Variants in DDX24 observed in about 807,000 individuals in gnomAD.
DDX24 encodes the protein ATP-dependent RNA helicase DDX24.
Under a neutral mutation model 68.9 loss-of-function variants are expected in DDX24, and 24 were observed. The ratio of observed to expected loss-of-function variants is 0.35; its 90% CI spans 0.25 to 0.49. The LOEUF (loss-of-function observed/expected upper bound fraction) is 0.49, where lower values mean the gene tolerates loss of function less well. DDX24 is among the 20% of genes least tolerant of loss of function. The pLI is 0.99. For missense variants in DDX24, 989 were observed against 1,039.0 expected, an observed-to-expected ratio of 0.95 and a Z score of 0.66; for synonymous variants, 395 against 385.2, an observed-to-expected ratio of 1.03 and a Z score of -0.30.
chr14:94,056,083 G>A (rs1050427196), intron 6 of DDX24: 1 of 152,186 alleles, frequency 6.6e-6, no homozygotes, highest in East Asian at 1.9e-4. Context: ...CTTAGGGGCT[G>A]GGACTGTATT....
At chr14:94,052,912 C>T (rs1051033326) in intron 8 of DDX24, 86 bp downstream of exon 8, 11 of 1,510,750 alleles carry the variant, frequency 7.3e-6, no homozygotes, top group Admixed American at 4.4e-5. Flanking sequence ...TTTGACAAGA[C>T]CCACAGTAGT....
intron 2 of DDX24, among the ~76,000 whole-genome samples, chr14:94,072,647 T>C (rs1342140498): frequency 6.6e-6 from 1 of 152,184 alleles, no homozygotes; most frequent in Admixed American, 6.5e-5. Context: ...CTGGCCAACG[T>C]GGTGAAACCC....
In DDX24 at chr14:94,064,999, G is replaced by A. The variant is rs1885670934; in HGVS notation, c.719-2378C>T. On this transcript the variant is annotated intron_variant, in intron 2 of 8. Coordinates refer to ENST00000621632, the MANE Select transcript of DDX24 (RefSeq NM_020414.4). Reference sequence around the variant, plus strand: ...TCCACAGAGTTGCAGAGCTGGTTGTGAGTGTGGGAAAAACCCACACATTTG... The same window carrying A: ...TCCACAGAGTTGCAGAGCTGGTTGTAAGTGTGGGAAAAACCCACACATTTG... 1.3e-5 allele frequency among the ~76,000 whole-genome samples: 2 copies of A among 152,066 alleles called. 1 individual carries two copies. The highest frequency in any genetic ancestry group is 1.3e-4 in the Admixed American group (2 of 15,264).
Position 94,062,518 on chromosome 14 carries a change from A to T in DDX24, c.822T>A (p.Pro274=). The change falls in exon 3 of 9, where the codon CCT becomes CCA. Residue 274 remains proline, a synonymous_variant. Transcript: ENST00000621632. ...APPPSNTEAP[P]GETRTEAGAE... ...CTCCGGCCTCAGTTCTGGTCTCTCC[A>T]GGTGGTGCTTCGGTGTTACTTGGAG... is the stretch of plus-strand genomic sequence containing the variant. 1 of 1,614,152 alleles carries T rather than the reference A, an allele frequency of 6.2e-7. No homozygotes were observed. Among genetic ancestry groups the T allele is most frequent in the Non-Finnish European group, 8.5e-7 (1 of 1,180,034 alleles).
chr14:94,052,995 T>C lies in DDX24; in HGVS notation c.2308+3A>G. ...TCAATTCCCATCCCGCCCAAGGGCT[T>C]ACCCTTATACATGTCTTCTTCCAGC... On this transcript the variant is annotated splice_donor_region_variant and intron_variant, in intron 8 of 8. Transcript: ENST00000621632. 6.2e-7 allele frequency: 1 copy of C among 1,610,146 alleles called. No homozygotes were observed. The highest frequency in any genetic ancestry group is 8.5e-7 in the Non-Finnish European group (1 of 1,177,694).
intron 8 of DDX24, among the ~76,000 whole-genome samples, chr14:94,052,025 G>T (rs976981182): frequency 6.6e-6 from 1 of 152,252 alleles, no homozygotes; most frequent in Non-Finnish European, 1.5e-5. Context: ...AGGGAAGCCA[G>T]GGCCTCCACA....
In DDX24 at chr14:94,079,311, T is replaced by C. The variant is rs1438172936; in HGVS notation, c.432A>G (p.Ser144=). The C allele has an allele frequency of 6.2e-7, 1 of 1,614,194 alleles. No individual in the cohort carries two copies. The highest frequency in any genetic ancestry group is 1.1e-5 in the South Asian group (1 of 91,084). Residue 144 remains serine (S), a synonymous_variant, in exon 2 of 9, where the codon TCA becomes TCG. Coordinates refer to ENST00000621632, the MANE Select transcript of DDX24 (RefSeq NM_020414.4). ...TTGGAGCAGTTTGGACCAGGTTTTC[T>C]GATGTCATCTCCCCAGCCTCCGGAT... The part of the protein sequence containing the change: ...CDDPEAGEMT[S]ENLVQTAPKK...
At chr14:94,067,734 T>C (rs1261849019) in intron 2 of DDX24, among the ~76,000 whole-genome samples, 2 of 152,150 alleles carry the variant, frequency 1.3e-5, no homozygotes, top group Non-Finnish European at 2.9e-5. Context: ...CCAGCAAAAC[T>C]AAGCATCATA....
chr14:94,062,493 C>T lies in DDX24; in HGVS notation c.847G>A (p.Ala283Thr). 1 of 1,614,162 alleles carries T rather than the reference C, an allele frequency of 6.2e-7. No individual in the cohort carries two copies. Among genetic ancestry groups the T allele is most frequent in the Non-Finnish European group, 8.5e-7 (1 of 1,180,016 alleles). The change falls in exon 3 of 9, where the codon GCT (alanine) becomes ACT (threonine). Residue 283 changes from alanine to threonine, a missense_variant. Ala to Thr is a moderately conservative substitution (Grantham distance 58). Coordinates refer to ENST00000621632, the MANE Select transcript of DDX24 (RefSeq NM_020414.4). ...PPGETRTEAGAETRSPGKAEA... is the reference protein window; with the variant it reads ...PPGETRTEAGTETRSPGKAEA... ...GCCTTGCCTGGTGATCTAGTCTCAGCTCCGGCCTCAGTTCTGGTCTCTCCA... is the reference window on the plus strand; with the variant it reads ...GCCTTGCCTGGTGATCTAGTCTCAGTTCCGGCCTCAGTTCTGGTCTCTCCA...
chr14:94,064,935 T>C (rs1227268883), intron 2 of DDX24, among the ~76,000 whole-genome samples: 1 of 152,198 alleles, frequency 6.6e-6, no homozygotes, highest in Admixed American at 6.5e-5. Context: ...AGGTAGATAG[T>C]GTCTGAATTG....
intron 6 of DDX24, 31 bp downstream of exon 6, chr14:94,057,791 C>T (rs1413284229): frequency 1.2e-6 from 2 of 1,607,578 alleles, no homozygotes; most frequent in South Asian, 1.1e-5. Context: ...TCAGTGCAGG[C>T]AGATGCCTAT....
At chr14:94,055,472 A>G in intron 6 of DDX24, 3 of 426,632 alleles carry the variant, frequency 7.0e-6, no homozygotes, top group Non-Finnish European at 1.3e-5. Context: ...CCAGGATTTA[A>G]GCAGCCCAGC....
Position 94,049,100 on chromosome 14 carries a change from G to A in DDX24, c.*2091C>T, listed in dbSNP as rs147368021. ...GCCCACCAACTTCACCTTACCAGGC[G>A]AGAGTAGCACTGCTTGGAAGGCTGC... is the stretch of plus-strand genomic sequence containing the variant. On this transcript the variant is annotated 3_prime_UTR_variant, in exon 9 of 9. Transcript: ENST00000621632. The A allele has an allele frequency of 5.3e-5, 8 of 152,360 alleles. No homozygotes were observed. Among genetic ancestry groups the A allele is most frequent in the Admixed American group, 3.9e-4 (6 of 15,308 alleles). The allele number at this position is 152,360 out of a possible 1,614,324, so 9.4% of individuals were successfully genotyped here.
chr14:94,072,989 T>C (rs1885863556), intron 2 of DDX24, among the ~76,000 whole-genome samples: 2 of 136,596 alleles, frequency 1.5e-5, no homozygotes, highest in African/African-American at 5.3e-5. Flanking sequence ...AATAAATAAA[T>C]CAGGTATGCT....
intron 4 of DDX24, 51 bp downstream of exon 4, chr14:94,060,862 G>A: frequency 6.2e-7 from 1 of 1,603,696 alleles, no homozygotes. Flanking sequence ...GTCACCTAAG[G>A]CTCATTTCAG....
At chr14:94,063,290 A>G (rs542351755) in intron 2 of DDX24, among the ~76,000 whole-genome samples, 63 of 152,300 alleles carry the variant, frequency 4.1e-4, no homozygotes, top group Non-Finnish European at 1.0e-4. Context: ...ATAAGATACT[A>G]TAAGGAAAAA....
Position 94,050,115 on chromosome 14 carries a change from C to T in DDX24, c.*1076G>A, listed in dbSNP as rs1420454748. The T allele has an allele frequency of 2.0e-5, 3 of 152,232 alleles. No homozygotes were observed. Among genetic ancestry groups the T allele is most frequent in the African/African-American group, 7.2e-5 (3 of 41,438 alleles). 9.4% of individuals were successfully genotyped at this position (152,232 alleles called of 1,614,324 possible). ...GGAAGCCAGACAGCTGTGCAGAAAT[C>T]ATCTATGCTTCTCCCATGGTTGTGG... is the stretch of plus-strand genomic sequence containing the variant. On this transcript the variant is annotated 3_prime_UTR_variant, in exon 9 of 9. Transcript: ENST00000621632.
Position 94,079,258 on chromosome 14 carries a change from C to G in DDX24, c.485G>C (p.Gly162Ala). 1 of 1,614,144 alleles carries G rather than the reference C, an allele frequency of 6.2e-7. No individual in the cohort carries two copies. ...PKKKKNKGKK[G>A]LEPSQSTAAK... Reference sequence around the variant, plus strand: ...AGCAGTGCTCTGAGAAGGCTCCAACCCTTTTTTCCCTTTATTTTTCTTCTT... The same window carrying G: ...AGCAGTGCTCTGAGAAGGCTCCAACGCTTTTTTCCCTTTATTTTTCTTCTT... Residue 162 changes from glycine to alanine, a missense_variant, in exon 2 of 9, where the codon GGG (glycine) becomes GCG (alanine). By Grantham distance (60) the Gly-to-Ala change is moderately conservative. Transcript: ENST00000621632.
At chr14:94,070,612 C>T (rs1274353668) in intron 2 of DDX24, among the ~76,000 whole-genome samples, 3 of 152,188 alleles carry the variant, frequency 2.0e-5, no homozygotes, top group African/African-American at 7.2e-5. Context: ...TCAAACTATA[C>T]TATAAGCCCA....
Sources: allele counts gnomAD v4.1 joint callset (sites outside exome capture counted in the v4.1 genomes callset), GRCh38; gene constraint gnomAD v4.1.1; transcripts MANE v1.5; gene names NCBI Gene and HGNC (gene_info 2026-07-23, HGNC 2026-07-21).